The following ANO3 variants were observed in gnomAD, a reference collection of about 807,000 sequenced individuals.
ANO3 encodes the protein anoctamin 3.
Under a neutral mutation model 144.8 loss-of-function variants are expected in ANO3, and 99 were observed. That is an observed-to-expected ratio of 0.68 (90% CI 0.58 to 0.81). The LOEUF (loss-of-function observed/expected upper bound fraction) is 0.81, where lower values mean the gene tolerates loss of function less well. Among genes scored for constraint, ANO3 ranks in the 30% least tolerant of loss-of-function variants. ANO3 has a pLI of 0.00. For missense variants in ANO3, 905 were observed against 1,202.2 expected (o/e 0.75, Z 3.66); for synonymous variants, 414 against 392.6 (o/e 1.05, Z -0.64).
At chr11:26,454,702 A>C (rs927614258) in intron 3 of ANO3, among the ~76,000 whole-genome samples, 1 of 152,150 alleles carries the variant, frequency 6.6e-6, no homozygotes, top group Non-Finnish European at 1.5e-5. Context: ...ATAGAAAAAG[A>C]GGGAATCCTC....
At chr11:26,256,097 C>A (rs1359774636) in intron 1 of ANO3, among the ~76,000 whole-genome samples, 1 of 152,116 alleles carries the variant, frequency 6.6e-6, no homozygotes, top group Non-Finnish European at 1.5e-5. Context: ...ATCTGTTAAG[C>A]CTGGAAACAA....
chr11:26,313,871 T>TAATATAA (rs538408484), intron 1 of ANO3, among the ~76,000 whole-genome samples: 2 of 147,520 alleles, frequency 1.4e-5, no homozygotes, highest in Admixed American at 6.8e-5. Context: ...AAATTAAATA[T>TAATATAA]TATAATATAA....
In ANO3 at chr11:26,659,539, T is replaced by A. The variant is rs531434552; in HGVS notation, c.2764-723T>A. Among the ~76,000 whole-genome samples the A allele has an allele frequency of 6.7e-4, 101 of 151,602 alleles. No homozygotes were observed. In the South Asian group the frequency reaches 9.6e-3, roughly 14 times the overall value. ...TGAGACCTCATATCTACAAATTTTT[T>A]AAAAAAAATTATCCAGGTGTAGTGG... On this transcript the variant is annotated intron_variant, in intron 26 of 26. Coordinates refer to ENST00000256737, the MANE Select transcript of ANO3 (RefSeq NM_031418.4).
intron 3 of ANO3, among the ~76,000 whole-genome samples, chr11:26,454,489 A>C (rs963419987): frequency 3.3e-5 from 5 of 152,354 alleles, no homozygotes; most frequent in African/African-American, 4.8e-5. Flanking sequence ...GAAATGGATA[A>C]ATTCCTCAAC....
At chr11:26,216,387 T>C (rs11824404) in intron 1 of ANO3, among the ~76,000 whole-genome samples, 244 of 152,140 alleles carry the variant, frequency 1.6e-3, no homozygotes, top group African/African-American at 5.5e-3. Flanking sequence ...ATTTAGAGAA[T>C]CTCATATAAT....
At chr11:26,407,062 G>GTATATATATATATA (rs1293215860) in intron 1 of ANO3, among the ~76,000 whole-genome samples, 1 of 64,138 alleles carries the variant, frequency 1.6e-5, no homozygotes, top group Non-Finnish European at 4.1e-5. Flanking sequence ...GTGTGTGTGT[G>GTATATATATATATA]TGTGTGTGTG....
At chr11:26,518,897 G>C (rs542055628) in intron 6 of ANO3, among the ~76,000 whole-genome samples, 63 of 152,104 alleles carry the variant, frequency 4.1e-4, no homozygotes, top group African/African-American at 1.4e-3. Flanking sequence ...TGGGATTGTG[G>C]TTCTCAGTTA....
chr11:26,457,175 T>C (rs1199088918), intron 3 of ANO3, among the ~76,000 whole-genome samples: 1 of 151,322 alleles, frequency 6.6e-6, no homozygotes, highest in East Asian at 2.0e-4. Context: ...GGTATACATG[T>C]GTAACTTACC....
chr11:26,513,742 A>G (rs1050229400), intron 5 of ANO3, among the ~76,000 whole-genome samples: 11 of 152,170 alleles, frequency 7.2e-5, no homozygotes, highest in Admixed American at 5.9e-4. Flanking sequence ...GCAGGGAACC[A>G]TTAGGAAGAA....
At chr11:26,517,277 A>C (rs1413044938) in intron 6 of ANO3, among the ~76,000 whole-genome samples, 1 of 152,064 alleles carries the variant, frequency 6.6e-6, no homozygotes, top group Non-Finnish European at 1.5e-5. Flanking sequence ...GTATAAGTGC[A>C]TAGCATTTTC....
chr11:26,277,556 T>A (rs1030365038), intron 1 of ANO3, among the ~76,000 whole-genome samples: 14 of 152,158 alleles, frequency 9.2e-5, no homozygotes, highest in Non-Finnish European at 1.6e-4. Context: ...GCTCCTTCAT[T>A]TTGAATCCTG....
intron 13 of ANO3, 72 bp downstream of exon 13, chr11:26,553,417 A>G: frequency 2.0e-6 from 2 of 1,008,634 alleles, no homozygotes; most frequent in Non-Finnish European, 1.5e-6. Flanking sequence ...CCTCTAGTCA[A>G]TAGCTTTTTA....
intron 1 of ANO3, among the ~76,000 whole-genome samples, chr11:26,412,608 G>A (rs554582201): frequency 9.9e-5 from 15 of 152,082 alleles, no homozygotes; most frequent in South Asian, 6.2e-4. Flanking sequence ...GTAAAGCACT[G>A]ACCAAACCAC....
At chr11:26,581,366 T>G (rs1222359207) in intron 14 of ANO3, among the ~76,000 whole-genome samples, 1 of 148,906 alleles carries the variant, frequency 6.7e-6, no homozygotes, top group Non-Finnish European at 1.5e-5. Flanking sequence ...TAGGATTAAA[T>G]TATTGACTCT....
intron 24 of ANO3, among the ~76,000 whole-genome samples, chr11:26,653,458 A>G (rs1040684657): frequency 3.3e-5 from 5 of 152,044 alleles, no homozygotes. Flanking sequence ...AGACACTATC[A>G]TCTCTCACCT....
chr11:26,550,407 T>C (rs1484631355), intron 12 of ANO3, among the ~76,000 whole-genome samples: 1 of 151,926 alleles, frequency 6.6e-6, no homozygotes, highest in Non-Finnish European at 1.5e-5. Context: ...TGAAACTTTT[T>C]ATCCGTTTTA....
chr11:26,598,423 C>G lies in ANO3; in HGVS notation c.1506C>G (p.Asp502Glu). ...RRRSILTYTW[D>E]LIEWEEEEET... Reference sequence around the variant, plus strand: ...GGAGTATACTGACCTATACTTGGGACCTTATCGAATGGGAAGAAGAGGAGG... The same window carrying G: ...GGAGTATACTGACCTATACTTGGGAGCTTATCGAATGGGAAGAAGAGGAGG... Residue 502 changes from aspartate to glutamate, a missense_variant, in exon 15 of 27, where the codon GAC (aspartate) becomes GAG (glutamate). Transcript: ENST00000256737. 1 of 1,591,228 alleles carries G rather than the reference C, an allele frequency of 6.3e-7. No homozygotes were observed. Among genetic ancestry groups the G allele is most frequent in the East Asian group, 2.3e-5 (1 of 43,266 alleles).
chr11:26,277,153 C>T lies in ANO3; in HGVS notation c.155-32492C>T, dbSNP rs528649528. Among the ~76,000 whole-genome samples the T allele has an allele frequency of 1.3e-3, 198 of 152,014 alleles. 2 individuals carry two copies. Among genetic ancestry groups the T allele is most frequent in the African/African-American group, 4.1e-3 (171 of 41,478 alleles). ...ATATCTCTCTATTTCACAAAATATC[C>T]TTCATGTGATTTTTTTCTTAGTAAC... On this transcript the variant is annotated intron_variant, in intron 1 of 27. Coordinates refer to the ANO3 transcript ENST00000672621.
chr11:26,447,186 A>C (rs558677541), intron 3 of ANO3, among the ~76,000 whole-genome samples: 2 of 147,042 alleles, frequency 1.4e-5, no homozygotes, highest in East Asian at 4.1e-4. Context: ...CAGCCTGGGC[A>C]ACAGAGTGGG....
Sources: allele counts gnomAD v4.1 joint callset (sites outside exome capture counted in the v4.1 genomes callset), GRCh38; gene constraint gnomAD v4.1.1; transcripts MANE v1.5; gene names NCBI Gene and HGNC (gene_info 2026-07-23, HGNC 2026-07-21).